Variants in FRMPD1 observed in about 807,000 individuals in gnomAD.
The protein encoded by FRMPD1 is FERM and PDZ domain containing 1, also known as FERM and PDZ domain-containing protein 1.
In FRMPD1, 76 loss-of-function variants were observed where a neutral mutation model predicts 117.8. The observed-to-expected ratio is 0.65, with a 90% CI of 0.54 to 0.78. The LOEUF is 0.78. Ranked by LOEUF, FRMPD1 falls within the 30% of genes least tolerant of loss-of-function variation. FRMPD1 has a pLI of 0.00. For missense variants in FRMPD1, 1,786 were observed against 1,964.5 expected, an observed-to-expected ratio of 0.91 and a Z score of 1.72; for synonymous variants, 783 against 770.4, an observed-to-expected ratio of 1.02 and a Z score of -0.27.
chr9:37,734,396 G>T (rs1824028444), intron 12 of FRMPD1, among the ~76,000 whole-genome samples: 1 of 151,940 alleles, frequency 6.6e-6, no homozygotes, highest in Non-Finnish European at 1.5e-5. Flanking sequence ...ATGAGGGGTG[G>T]GCCTGAGAAG....
chr9:37,692,575 T>G, intron 1 of FRMPD1, 63 bp from the exon 2 acceptor site: 1 of 1,045,288 alleles, frequency 9.6e-7, no homozygotes, highest in Non-Finnish European at 1.5e-6. Context: ...ATCGTCCTGA[T>G]TTATCAAAAT....
Position 37,699,936 on chromosome 9 carries a change from C to T in FRMPD1, c.101+7194C>T, listed in dbSNP as rs76463172. Among the ~76,000 whole-genome samples the T allele has an allele frequency of 4.3e-3, 653 of 152,240 alleles. 8 individuals are homozygous for T. The highest frequency in any genetic ancestry group is 6.8e-3 in the Middle Eastern group (2 of 294). On this transcript the variant is annotated intron_variant, in intron 2 of 15. Coordinates refer to ENST00000377765, the MANE Select transcript of FRMPD1 (RefSeq NM_014907.3). ...ACACACACATATACACACATTTTGGCATCTTAGTGTCAGAAGCCCTTGCTG... is the reference window on the plus strand; with the variant it reads ...ACACACACATATACACACATTTTGGTATCTTAGTGTCAGAAGCCCTTGCTG...
chr9:37,744,845 T>A lies in FRMPD1; in HGVS notation c.2813T>A (p.Val938Glu), dbSNP rs1334569170. ...METKSVIDSR[V>E]SSISAIRFRI... ...ACCAAATCAGTCATCGACTCTCGAG[T>A]GTCTTCTATTTCTGCCATTCGCTTC... Residue 938 changes from valine to glutamate, a missense_variant, in exon 16 of 16, where the codon GTG becomes GAG. By Grantham distance (121) the Val-to-Glu change is moderately radical (BLOSUM62 -2). Transcript: ENST00000377765. 1 of 1,613,768 alleles carries A rather than the reference T, an allele frequency of 6.2e-7. No individual in the cohort carries two copies. The highest frequency in any genetic ancestry group is 1.3e-5 in the African/African-American group (1 of 74,846).
At chr9:37,632,096 G>T in the FRMPD1 span, among the ~76,000 whole-genome samples, 1 of 152,028 alleles carries the variant, frequency 6.6e-6, no homozygotes, top group Admixed American at 6.5e-5. Context: ...ACAATAATGG[G>T]ATTATTTAAC....
the FRMPD1 span, among the ~76,000 whole-genome samples, chr9:37,630,544 C>A: frequency 6.6e-6 from 1 of 152,072 alleles, no homozygotes; most frequent in Admixed American, 6.6e-5. Flanking sequence ...CCAGTCCTGG[C>A]TGTTTTTTTT....
chr9:37,608,704 T>G, the FRMPD1 span, among the ~76,000 whole-genome samples: 1 of 152,256 alleles, frequency 6.6e-6, no homozygotes. Context: ...TTATTAATCT[T>G]AAAAGCAACC....
At chr9:37,620,881 C>G in the FRMPD1 span, among the ~76,000 whole-genome samples, 1 of 152,054 alleles carries the variant, frequency 6.6e-6, no homozygotes, top group Admixed American at 6.6e-5. Context: ...GAAACTAATT[C>G]CCAAGAGTCA....
At chr9:37,651,946 T>C (rs141550713) in intron 1 of FRMPD1, among the ~76,000 whole-genome samples, 238 of 152,304 alleles carry the variant, frequency 1.6e-3, no homozygotes, top group African/African-American at 5.4e-3. Context: ...CAAATGAACG[T>C]TTAGAAAATA....
At chr9:37,699,613 C>T (rs985108319) in intron 2 of FRMPD1, among the ~76,000 whole-genome samples, 8 of 152,160 alleles carry the variant, frequency 5.3e-5, no homozygotes, top group Admixed American at 5.2e-4. Flanking sequence ...AGCCACCGCA[C>T]CCCACCAAGA....
intron 12 of FRMPD1, 23 bp from the exon 13 acceptor site, chr9:37,735,529 A>G (rs915548901): frequency 4.4e-6 from 7 of 1,579,434 alleles, no homozygotes; most frequent in Non-Finnish European, 6.1e-6. Context: ...AATGGAGACT[A>G]ATTCCCCTTC....
At chr9:37,742,001 A>G (rs1462875147) in intron 15 of FRMPD1, among the ~76,000 whole-genome samples, 1 of 152,240 alleles carries the variant, frequency 6.6e-6, no homozygotes, top group African/African-American at 2.4e-5. Context: ...CACCTCGCAC[A>G]GCCTGTAAAT....
intron 2 of FRMPD1, among the ~76,000 whole-genome samples, chr9:37,700,834 A>G (rs1241117051): frequency 6.6e-6 from 1 of 152,160 alleles, no homozygotes; most frequent in Non-Finnish European, 1.5e-5. Flanking sequence ...CACAGAAATG[A>G]CCTCACATTT....
intron 1 of FRMPD1, among the ~76,000 whole-genome samples, chr9:37,653,289 T>C (rs766586020): frequency 3.9e-5 from 6 of 152,244 alleles, no homozygotes; most frequent in Non-Finnish European, 7.3e-5. Flanking sequence ...TAATAGGTGT[T>C]GGATAAAAGT....
At chr9:37,722,705 G>A (rs1209173341) in intron 6 of FRMPD1, among the ~76,000 whole-genome samples, 1 of 152,036 alleles carries the variant, frequency 6.6e-6, no homozygotes, top group Middle Eastern at 3.2e-3. Flanking sequence ...TGTGCTTCTG[G>A]AGGACACCAG....
At chr9:37,658,910 A>G (rs1820918007) in intron 1 of FRMPD1, among the ~76,000 whole-genome samples, 1 of 152,162 alleles carries the variant, frequency 6.6e-6, no homozygotes, top group African/African-American at 2.4e-5. Flanking sequence ...TCTGTCACCC[A>G]GGCTGGAGTG....
chr9:37,623,707 A>G, the FRMPD1 span, among the ~76,000 whole-genome samples: 2 of 152,176 alleles, frequency 1.3e-5, no homozygotes, highest in African/African-American at 4.8e-5. Flanking sequence ...TTGTGCACCA[A>G]GAAGCTTAAT....
intron 1 of FRMPD1, chr9:37,661,643 C>T (rs1821004507): frequency 6.6e-6 from 1 of 152,198 alleles, no homozygotes; most frequent in Non-Finnish European, 1.5e-5. Context: ...TCTCTTCCAC[C>T]TGCAAACTAC....
intron 1 of FRMPD1, among the ~76,000 whole-genome samples, chr9:37,684,286 A>G (rs1821844748): frequency 6.6e-6 from 1 of 152,262 alleles, no homozygotes; most frequent in South Asian, 2.1e-4. Flanking sequence ...GTGCTTAGCC[A>G]GGTGACTTAA....
At chr9:37,614,229 T>C in the FRMPD1 span, among the ~76,000 whole-genome samples, 1 of 152,112 alleles carries the variant, frequency 6.6e-6, no homozygotes, top group African/African-American at 2.4e-5. Flanking sequence ...ATTAGGCATG[T>C]GGGACTGAGG....
Sources: gnomAD v4.1 joint callset for allele counts (sites outside exome capture counted in the v4.1 genomes callset) on GRCh38, gnomAD v4.1.1 for gene constraint, MANE v1.5 for transcripts, NCBI Gene and HGNC (gene_info 2026-07-23, HGNC 2026-07-21) for gene names.